ZCWPW1: variants seen among roughly 807,000 people sequenced by gnomAD.
ZCWPW1 encodes zinc finger CW-type PWWP domain protein 1.
Under a neutral mutation model 81.3 loss-of-function variants are expected in ZCWPW1, and 56 were observed. The observed-to-expected ratio is 0.69, with a 90% confidence interval of 0.56 to 0.86. The LOEUF (loss-of-function observed/expected upper bound fraction) is 0.86. ZCWPW1 is among the 40% of genes least tolerant of loss of function. The pLI is 0.00. For missense variants in ZCWPW1, 650 were observed against 769.8 expected, an observed-to-expected ratio of 0.84 and a Z score of 1.84; for synonymous variants, 250 against 273.7, an observed-to-expected ratio of 0.91 and a Z score of 0.86.
At chr7:100,423,995 A>C (rs6970806) in intron 2 of ZCWPW1, among the ~76,000 whole-genome samples, 25,955 of 149,580 alleles carry the variant, frequency 0.17, 2,357 homozygotes, top group Middle Eastern at 0.2. Flanking sequence ...GCTTGCACCC[A>C]GGAGGCGGAG....
rs1269868842 is a variant in ZCWPW1, at chr7:100,427,571, C to T, written c.-137+997G>A. ...AAAATTAGCCGGGCACAGTGGCGGG[C>T]GCCTGTAGTCCCAGCTCCTCGGGAG... On this transcript the variant is annotated intron_variant, in intron 1 of 17. Transcript: ENST00000684423. Among the ~76,000 whole-genome samples the T allele has an allele frequency of 1.3e-4, 20 of 151,792 alleles. No individual in the cohort carries two copies. In the East Asian group the frequency reaches 3.1e-3, roughly 24 times the overall value.
At chr7:100,402,145 AG>A in intron 16 of ZCWPW1, 104 bp from the exon 17 acceptor site, 1 of 1,427,674 alleles carries the variant, frequency 7.0e-7, no homozygotes, top group Non-Finnish European at 9.4e-7. Context: ...TCTTCTGCTC[AG>A]TTGCAATCTA....
rs201980535 is a variant in ZCWPW1, at chr7:100,420,636, A to C, written c.14T>G (p.Leu5Trp). MMTT[L>W]QNKEECGKGP... is the part of the protein sequence containing the mutation. ...TCTTGACTCACCTTCTTTATTCTGCAACGTTGTCATCATTCAGCTTAGAAA... is the reference window on the plus strand; with the variant it reads ...TCTTGACTCACCTTCTTTATTCTGCCACGTTGTCATCATTCAGCTTAGAAA... Residue 5 changes from leucine to tryptophan, a missense_variant, in exon 3 of 18, where the codon TTG (leucine) becomes TGG (tryptophan). Coordinates refer to ENST00000684423, the MANE Select transcript of ZCWPW1 (RefSeq NM_001386010.1). 1.9e-6 allele frequency: 3 copies of C among 1,614,130 alleles called. No homozygotes were observed. In the African/African-American group the frequency reaches 4.0e-5, roughly 22 times the overall value.
Position 100,419,147 on chromosome 7 carries a change from G to A in ZCWPW1, c.325C>T (p.Gln109Ter). ...LTNAEFEEIV[Q>*]IVLQKSLQEC... The stretch of plus-strand genomic sequence containing the variant: ...TGAAGGGACTTCTGCAGAACAATCT[G>A]GACAATCTCCTCAAATTCTGCATTG... The change falls in exon 5 of 18, where the codon CAG (glutamine) becomes TAG (stop). Residue 109 changes from glutamine to a stop codon, truncating the protein, a stop_gained. Transcript: ENST00000684423. LOFTEE classifies it high-confidence loss of function. The A allele has an allele frequency of 6.2e-7, 1 of 1,613,050 alleles. No homozygotes were observed. The highest frequency in any genetic ancestry group is 8.5e-7 in the Non-Finnish European group (1 of 1,179,518).
At chr7:100,419,080 G>T in intron 5 of ZCWPW1, 31 bp downstream of exon 5, 1 of 1,593,644 alleles carries the variant, frequency 6.3e-7, no homozygotes, top group Non-Finnish European at 8.6e-7. Flanking sequence ...CTGCTTAACT[G>T]AAACCCTTTT....
intron 8 of ZCWPW1, among the ~76,000 whole-genome samples, chr7:100,411,297 C>T (rs1239469717): frequency 2.7e-5 from 4 of 150,942 alleles, no homozygotes; most frequent in East Asian, 1.9e-4. Flanking sequence ...AACACAGTCT[C>T]GCTCTGTTGC....
intron 9 of ZCWPW1, 64 bp from the exon 10 acceptor site, chr7:100,408,723 G>A: frequency 1.3e-6 from 2 of 1,563,352 alleles, no homozygotes; most frequent in Non-Finnish European, 1.7e-6. Flanking sequence ...AGCTGGATGA[G>A]AGCTGGGGAG....
Position 100,405,053 on chromosome 7 carries a change from G to T in ZCWPW1, c.1214C>A (p.Ala405Asp), listed in dbSNP as rs1412126028. The change falls in exon 13 of 18, where the codon GCC (alanine) becomes GAC (aspartate). Residue 405 changes from alanine (A) to aspartate (D), a missense_variant. Transcript: ENST00000684423. ...TTCTGCCTCTTGAGCCATCATCAGG[G>T]CCACCCCCAGTTTCTGGCTGCAGTC... ...RNDCSQKLGV[A>D]LMMAQEAEQI... 3.1e-6 allele frequency: 5 copies of T among 1,613,464 alleles called. No homozygotes were observed. Among genetic ancestry groups the T allele is most frequent in the Non-Finnish European group, 4.2e-6 (5 of 1,179,778 alleles).
At chr7:100,407,395 G>GT (rs1175066460) in intron 10 of ZCWPW1, 92 bp from the exon 11 acceptor site, 3 of 1,189,866 alleles carry the variant, frequency 2.5e-6, no homozygotes, top group South Asian at 1.3e-5. Context: ...GAGAAGAGCA[G>GT]TATGATTTTT....
At chr7:100,406,188 G>T (rs561949330) in intron 12 of ZCWPW1, among the ~76,000 whole-genome samples, 2 of 152,172 alleles carry the variant, frequency 1.3e-5, no homozygotes, top group African/African-American at 2.4e-5. Flanking sequence ...GTTCTCAACC[G>T]GGTAGACTGT....
At chr7:100,424,586 C>T (rs934471757) in intron 2 of ZCWPW1, among the ~76,000 whole-genome samples, 6 of 151,962 alleles carry the variant, frequency 3.9e-5, no homozygotes, top group African/African-American at 1.5e-4. Flanking sequence ...CTCAGCCTCC[C>T]GAGTAGCTGG....
At chr7:100,412,272 C>T (rs188974104) in intron 8 of ZCWPW1, among the ~76,000 whole-genome samples, 2 of 152,330 alleles carry the variant, frequency 1.3e-5, no homozygotes, top group Admixed American at 6.5e-5. Context: ...GTTCTGAGCT[C>T]GAGATTCCTA....
chr7:100,418,264 G>C (rs921156485), intron 5 of ZCWPW1, among the ~76,000 whole-genome samples: 2 of 152,032 alleles, frequency 1.3e-5, no homozygotes, highest in Admixed American at 1.3e-4. Context: ...AATTTGCAAG[G>C]GTATGTACCC....
At chr7:100,411,021 C>G (rs1412957030) in intron 8 of ZCWPW1, among the ~76,000 whole-genome samples, 1 of 152,224 alleles carries the variant, frequency 6.6e-6, no homozygotes, top group Admixed American at 6.5e-5. Flanking sequence ...AGCCTACACT[C>G]AAGCAATTGA....
intron 4 of ZCWPW1, 69 bp downstream of exon 4, chr7:100,419,561 T>C (rs2130799052): frequency 2.0e-6 from 3 of 1,525,588 alleles, no homozygotes; most frequent in East Asian, 2.3e-5. Flanking sequence ...AAGACTCTGT[T>C]TGTCTAGCCT....
rs769303827 is a variant in ZCWPW1 at position 100,406,797 on chromosome 7, G to C, written c.1070C>G (p.Ser357Cys). ...LFTSHLDSLP[S>C]KYHVTFFGET... is the part of the protein sequence containing the mutation. ...TCCAAAAAACGTCACATGGTACTTA[G>C]ACTGAAATAAAAGATGATCCTGTTA... Residue 357 changes from serine to cysteine, a missense_variant and splice_region_variant, in exon 12 of 18, where the codon TCT becomes TGT. Ser to Cys is a moderately radical substitution (Grantham distance 112, BLOSUM62 -1). Transcript: ENST00000684423. The C allele has an allele frequency of 3.7e-6, 6 of 1,613,622 alleles. No homozygotes were observed. In the Admixed American group the frequency reaches 5.0e-5, roughly 13 times the overall value.
chr7:100,408,476 C>G lies in ZCWPW1; in HGVS notation c.992+63G>C. 2.5e-6 allele frequency: 4 copies of G among 1,586,868 alleles called. No individual in the cohort carries two copies. The South Asian group carries it at 3.4e-5, about 14-fold the overall frequency. On this transcript the variant is annotated intron_variant, in intron 10 of 17. Transcript: ENST00000684423. ...CAGATGTTTTCCATTTGCTTCCACC[C>G]CTGCTTGAATCTACCTCTCCCAAGT... is the stretch of plus-strand genomic sequence containing the variant.
intron 10 of ZCWPW1, among the ~76,000 whole-genome samples, chr7:100,407,922 T>C (rs1793395585): frequency 6.6e-6 from 1 of 152,162 alleles, no homozygotes; most frequent in South Asian, 2.1e-4. Context: ...CTTTTCCTTG[T>C]TCCCTTTACT....
chr7:100,412,571 ATTTTATTTTTT>A (rs1490828253), intron 8 of ZCWPW1, among the ~76,000 whole-genome samples: 1 of 151,852 alleles, frequency 6.6e-6, no homozygotes, highest in East Asian at 1.9e-4. Flanking sequence ...ATCCTAATCC[ATTTTATTTTTT>A]TTTTATTTAT....
Sources: gnomAD v4.1 joint callset for allele counts (sites outside exome capture counted in the v4.1 genomes callset) on GRCh38, gnomAD v4.1.1 for gene constraint, MANE v1.5 for transcripts, NCBI Gene and HGNC (gene_info 2026-07-23, HGNC 2026-07-21) for gene names.